C12orf56: variants seen among roughly 807,000 people sequenced by gnomAD.
C12orf56 encodes chromosome 12 open reading frame 56.
C12orf56 carries 71 observed loss-of-function variants against 69.9 expected under a neutral mutation model. That is an observed-to-expected ratio of 1.02 (90% CI 0.84 to 1.24). The LOEUF is 1.24. C12orf56 is among the 50% of genes most tolerant of loss of function. C12orf56 has a pLI of 0.00. For missense variants in C12orf56, 732 were observed against 738.5 expected (o/e 0.99, Z 0.10); for synonymous variants, 276 against 274.1 (o/e 1.01, Z -0.07).
At position 64,275,562 on chromosome 12, in the gene C12orf56, A is replaced by G. The variant is rs75800178; in HGVS notation, c.1435-190T>C. On this transcript the variant is annotated intron_variant, in intron 9 of 12. Coordinates refer to ENST00000543942, the MANE Select transcript of C12orf56 (RefSeq NM_001170633.2). The stretch of plus-strand genomic sequence containing the variant: ...GTGCAGCCTCAAACTCCTGGGCACA[A>G]GCCATTCCTCTCACCTCTGCTTTCT... 5.3e-3 allele frequency among the ~76,000 whole-genome samples: 808 copies of G among 152,284 alleles called. 5 individuals carry two copies. Among genetic ancestry groups the G allele is most frequent in the Non-Finnish European group, 8.6e-3 (583 of 68,020 alleles).
intron 3 of C12orf56, among the ~76,000 whole-genome samples, chr12:64,326,281 T>A (rs1009309107): frequency 1.3e-5 from 2 of 152,158 alleles, no homozygotes; most frequent in Non-Finnish European, 2.9e-5. Context: ...TGATAAAACA[T>A]ACATGCACAG....
intron 1 of C12orf56, among the ~76,000 whole-genome samples, chr12:64,386,352 T>A (rs1030352958): frequency 6.7e-6 from 1 of 150,350 alleles, no homozygotes; most frequent in Non-Finnish European, 1.5e-5. Flanking sequence ...TAGCTGGGCT[T>A]ACAGGTGTGT....
At position 64,336,120 on chromosome 12, in the gene C12orf56, T is replaced by C. The variant is rs191977572; in HGVS notation, c.416-5088A>G. ...GGGGCCCTAGATATATAGCAATACC[T>C]GACTCAGGGAACAAGCAGCTGGAAG... On this transcript the variant is annotated intron_variant, in intron 2 of 12. Coordinates refer to ENST00000543942, the MANE Select transcript of C12orf56 (RefSeq NM_001170633.2). 3.3e-5 allele frequency among the ~76,000 whole-genome samples: 5 copies of C among 152,332 alleles called. No homozygotes were observed. In the East Asian group the frequency reaches 9.6e-4, roughly 29 times the overall value.
intron 1 of C12orf56, among the ~76,000 whole-genome samples, chr12:64,357,472 G>A (rs565342847): frequency 2.5e-4 from 37 of 150,132 alleles, no homozygotes; most frequent in South Asian, 6.3e-4. Context: ...GAGTGCAGTC[G>A]TACAATCTCA....
In C12orf56 at chr12:64,265,821, A is replaced by T. The variant is rs529006691; in HGVS notation, c.*1362T>A. ...AAATTCAACACCTCACGGTGATGCC[A>T]AAGTTAAGTATTTGTGGAATTAAAT... On this transcript the variant is annotated 3_prime_UTR_variant, in exon 13 of 13. Transcript: ENST00000543942. The T allele has an allele frequency of 6.6e-6, 1 of 152,370 alleles. No homozygotes were observed. The highest frequency in any genetic ancestry group is 1.5e-5 in the Non-Finnish European group (1 of 68,044). 9.4% of individuals were successfully genotyped at this position (152,370 alleles called of 1,614,324 possible).
At chr12:64,378,861 G>A (rs1266944750) in intron 1 of C12orf56, among the ~76,000 whole-genome samples, 2 of 151,968 alleles carry the variant, frequency 1.3e-5, no homozygotes, top group Non-Finnish European at 2.9e-5. Flanking sequence ...GACCAGTCTG[G>A]CCACCATAGT....
At chr12:64,353,134 C>G in intron 1 of C12orf56, 78 bp from the exon 2 acceptor site, 1 of 1,423,516 alleles carries the variant, frequency 7.0e-7, no homozygotes, top group Non-Finnish European at 9.6e-7. Flanking sequence ...TCCCCCAAAG[C>G]TAACAGCAAG....
intron 2 of C12orf56, among the ~76,000 whole-genome samples, chr12:64,343,862 A>G (rs1033691302): frequency 1.3e-5 from 2 of 152,126 alleles, no homozygotes; most frequent in Non-Finnish European, 2.9e-5. Flanking sequence ...CTTTCCCACC[A>G]TAATAGCCCT....
Position 64,266,457 on chromosome 12 carries a change from G to T in C12orf56, c.*726C>A. 3.8e-6 allele frequency: 1 copy of T among 260,982 alleles called. No individual in the cohort carries two copies. The highest frequency in any genetic ancestry group is 7.7e-5 in the South Asian group (1 of 12,958). The allele number at this position is 260,982 out of a possible 1,614,324, so 16.2% of individuals were successfully genotyped here. A position where few individuals can be genotyped will look rare whatever the true frequency, so the allele number is the denominator to read the frequency against. Reference sequence around the variant, plus strand: ...TGGTGCAGGAACTGAGAGACCCTTTGGTGTTCTACCTGGAGGCGTGGCTGG... The same window carrying T: ...TGGTGCAGGAACTGAGAGACCCTTTTGTGTTCTACCTGGAGGCGTGGCTGG... On this transcript the variant is annotated 3_prime_UTR_variant, in exon 13 of 13. Transcript: ENST00000543942.
intron 2 of C12orf56, chr12:64,338,547 C>T (rs1592466783): frequency 7.0e-7 from 1 of 1,438,796 alleles, no homozygotes; most frequent in East Asian, 2.3e-5. Flanking sequence ...ACTCTGAGGA[C>T]TTTGAGTCTT....
At chr12:64,332,323 G>C (rs1456656709) in intron 2 of C12orf56, among the ~76,000 whole-genome samples, 1 of 86,878 alleles carries the variant, frequency 1.2e-5, no homozygotes, top group Non-Finnish European at 2.5e-5. Context: ...AAAAAAAAAA[G>C]TTTCAGCCCC....
rs563623856 is a variant in C12orf56 at position 64,306,492 on chromosome 12, G to C, written c.969-2713C>G. 1.2e-3 allele frequency among the ~76,000 whole-genome samples: 181 copies of C among 149,380 alleles called. 2 individuals carry two copies. Among genetic ancestry groups the C allele is most frequent in the African/African-American group, 4.4e-3 (178 of 40,562 alleles). On this transcript the variant is annotated intron_variant, in intron 5 of 12. Transcript: ENST00000543942. ...GGTTCAAGCGATTCTTGTGCCTCCTGAGAGTAGCTGGGACTACAAGTGCGT... is the reference window on the plus strand; with the variant it reads ...GGTTCAAGCGATTCTTGTGCCTCCTCAGAGTAGCTGGGACTACAAGTGCGT...
intron 2 of C12orf56, among the ~76,000 whole-genome samples, chr12:64,332,264 C>G (rs530936591): frequency 2.2e-5 from 3 of 137,296 alleles, no homozygotes; most frequent in Admixed American, 1.6e-4. Flanking sequence ...GATTGTACCA[C>G]TGCACTTCAG....
At position 64,265,133 on chromosome 12, in the gene C12orf56, A is replaced by T. The variant is rs1453871086; in HGVS notation, c.*2050T>A. 1 of 152,260 alleles carries T rather than the reference A, an allele frequency of 6.6e-6. No homozygotes were observed. The highest frequency in any genetic ancestry group is 1.5e-5 in the Non-Finnish European group (1 of 68,084). 9.4% of individuals were successfully genotyped at this position (152,260 alleles called of 1,614,324 possible). A position where few individuals can be genotyped will look rare whatever the true frequency, so the allele number is the denominator to read the frequency against. On this transcript the variant is annotated 3_prime_UTR_variant, in exon 13 of 13. Transcript: ENST00000543942. ...CTCGTTGTCATCCTGCGGGTTCATC[A>T]GTACATTCTTTGTCCGGTTTGAGGT... is the stretch of plus-strand genomic sequence containing the variant.
chr12:64,385,050 G>A (rs1347607451), intron 1 of C12orf56, among the ~76,000 whole-genome samples: 3 of 143,180 alleles, frequency 2.1e-5, no homozygotes, highest in Non-Finnish European at 3.0e-5. Context: ...CGAGACTCCT[G>A]CTCAAAAAAA....
At chr12:64,320,107 G>T (rs1435017206) in intron 3 of C12orf56, among the ~76,000 whole-genome samples, 2 of 152,230 alleles carry the variant, frequency 1.3e-5, no homozygotes, top group African/African-American at 4.8e-5. Flanking sequence ...TTCCTGCACA[G>T]CTAAGTGCCC....
chr12:64,318,351 C>A (rs2038716195), intron 4 of C12orf56, among the ~76,000 whole-genome samples: 2 of 152,252 alleles, frequency 1.3e-5, no homozygotes, highest in East Asian at 3.9e-4. Context: ...GAATGAGCCA[C>A]CATGCCCGTC....
chr12:64,275,099 T>G (rs1414243775), intron 10 of C12orf56, 124 bp from the exon 11 acceptor site: 7 of 1,015,498 alleles, frequency 6.9e-6, no homozygotes, highest in Non-Finnish European at 1.0e-5. Flanking sequence ...TTTTGGAAAA[T>G]AAACTAGATG....
At chr12:64,274,706 C>T (rs2038028564) in intron 11 of C12orf56, among the ~76,000 whole-genome samples, 195 bp downstream of exon 11, 1 of 152,178 alleles carries the variant, frequency 6.6e-6, no homozygotes, top group Non-Finnish European at 1.5e-5. Context: ...GATATAATTT[C>T]AGTACCTTAA....
Sources: allele counts gnomAD v4.1 joint callset (sites outside exome capture counted in the v4.1 genomes callset), GRCh38; gene constraint gnomAD v4.1.1; transcripts MANE v1.5; gene names NCBI Gene and HGNC (gene_info 2026-07-23, HGNC 2026-07-21).